Variants in LSM14A observed in about 807,000 individuals in gnomAD.
LSM14A encodes protein LSM14 homolog A.
Under a neutral mutation model 52.4 loss-of-function variants are expected in LSM14A, and 14 were observed. The ratio of observed to expected loss-of-function variants is 0.27; its 90% CI spans 0.18 to 0.42. The LOEUF (loss-of-function observed/expected upper bound fraction) is 0.42. Among genes scored for constraint, LSM14A ranks in the 10% least tolerant of loss-of-function variants. LSM14A has a pLI of 1.00. For missense variants in LSM14A, 417 were observed against 581.8 expected (o/e 0.72, Z 2.91); for synonymous variants, 185 against 200.3 (o/e 0.92, Z 0.64).
At chr19:34,215,853 A>C (rs1204382369) in intron 6 of LSM14A, among the ~76,000 whole-genome samples, 192 bp downstream of exon 6, 2 of 152,202 alleles carry the variant, frequency 1.3e-5, no homozygotes, top group African/African-American at 4.8e-5. Flanking sequence ...GCAAATCTAT[A>C]TATGGTAGAA....
intron 1 of LSM14A, among the ~76,000 whole-genome samples, chr19:34,173,750 T>C (rs2068881484): frequency 6.6e-6 from 1 of 152,164 alleles, no homozygotes; most frequent in Non-Finnish European, 1.5e-5. Context: ...TAGGTGATTT[T>C]CCCAGCACTT....
At chr19:34,214,791 C>G (rs1568495478) in intron 4 of LSM14A, among the ~76,000 whole-genome samples, 1 of 148,620 alleles carries the variant, frequency 6.7e-6, no homozygotes, top group Non-Finnish European at 1.5e-5. Flanking sequence ...TAGGATAATT[C>G]TAGGGAATCT....
rs762090894 is a variant in LSM14A at position 34,226,361 on chromosome 19, C to T, written c.1369-1004C>T. ...ATTTTCTCCTTTCTCCCTCTCCTGTCCCCATCTCTTTCTCTTTTTTTTTTT... is the reference window on the plus strand; with the variant it reads ...ATTTTCTCCTTTCTCCCTCTCCTGTTCCCATCTCTTTCTCTTTTTTTTTTT... On this transcript the variant is annotated intron_variant, in intron 9 of 9. Transcript: ENST00000544216. 3.6e-6 allele frequency: 5 copies of T among 1,406,966 alleles called. No homozygotes were observed. The South Asian group carries it at 6.7e-5, about 19-fold the overall frequency. The allele number at this position is 1,406,966 out of a possible 1,614,324, so 87.2% of individuals were successfully genotyped here.
At chr19:34,175,978 G>A (rs1004142473) in intron 1 of LSM14A, among the ~76,000 whole-genome samples, 14 of 151,852 alleles carry the variant, frequency 9.2e-5, no homozygotes, top group Non-Finnish European at 2.1e-4. Flanking sequence ...ACAGCCTTCC[G>A]AGTAGCTGGG....
intron 1 of LSM14A, among the ~76,000 whole-genome samples, chr19:34,192,316 G>GGTTTTTTTTTTTTTTTTTTTTTT (rs1341848304): frequency 1.1e-4 from 7 of 65,818 alleles, no homozygotes; most frequent in Non-Finnish European, 2.0e-4. Context: ...CATTCTTTTT[G>GGTTTTTTTTTTTTTTTTTTTTTT]TTGTTTTTTT....
rs2073072760 is a variant in LSM14A, at chr19:34,221,654, T to C, written c.1284T>C (p.Gly428=). ...GCAGAGGGCGTGGTGGTGGCAGAGG[T>C]GGTACCTTCACTGCCCCTCGAGGAT... The part of the protein sequence containing the change: ...RGGRGRGGGR[G]GTFTAPRGFR... The change falls in exon 9 of 10, where the codon GGT becomes GGC. Residue 428 remains glycine, a synonymous_variant. Transcript: ENST00000544216. 1 of 1,613,884 alleles carries C rather than the reference T, an allele frequency of 6.2e-7. No homozygotes were observed. The highest frequency in any genetic ancestry group is 1.7e-5 in the Admixed American group (1 of 59,974).
chr19:34,187,411 TGGGATTAC>T (rs1464807326), intron 1 of LSM14A, among the ~76,000 whole-genome samples: 1 of 152,046 alleles, frequency 6.6e-6, no homozygotes, highest in African/African-American at 2.4e-5. Flanking sequence ...CCCAAGTAGC[TGGGATTAC>T]AGGCGTGTGC....
At chr19:34,177,904 T>C (rs2069192298) in intron 1 of LSM14A, among the ~76,000 whole-genome samples, 1 of 152,072 alleles carries the variant, frequency 6.6e-6, no homozygotes, top group South Asian at 2.1e-4. Context: ...TGATAGCCTG[T>C]AATCCCAGCA....
chr19:34,172,629 G>A lies in LSM14A; in HGVS notation c.-14G>A, dbSNP rs771077293. 2.3e-5 allele frequency: 35 copies of A among 1,550,090 alleles called. No individual in the cohort carries two copies. The highest frequency in any genetic ancestry group is 3.0e-5 in the Non-Finnish European group (35 of 1,150,320). On this transcript the variant is annotated 5_prime_UTR_variant, in exon 1 of 10. Coordinates refer to ENST00000544216, the MANE Select transcript of LSM14A (RefSeq NM_015578.4). ...GCCTCTCTGCGAGCAGCTGGGAGCGGCGGCGGCGGCGCCATGAGCGGGGGC... is the reference window on the plus strand; with the variant it reads ...GCCTCTCTGCGAGCAGCTGGGAGCGACGGCGGCGGCGCCATGAGCGGGGGC...
At chr19:34,221,163 A>G in intron 8 of LSM14A, among the ~76,000 whole-genome samples, 1 of 149,962 alleles carries the variant, frequency 6.7e-6, no homozygotes, top group Non-Finnish European at 1.5e-5. Flanking sequence ...ACTCACTGCA[A>G]CCTCCACCTC....
chr19:34,207,629 T>G (rs1227482499), intron 3 of LSM14A, among the ~76,000 whole-genome samples: 1 of 151,808 alleles, frequency 6.6e-6, no homozygotes, highest in Non-Finnish European at 1.5e-5. Flanking sequence ...CCTCCCAGGT[T>G]CAAGCAATTT....
intron 2 of LSM14A, among the ~76,000 whole-genome samples, chr19:34,195,632 C>G (rs938652952): frequency 1.3e-5 from 2 of 152,182 alleles, no homozygotes; most frequent in African/African-American, 4.8e-5. Flanking sequence ...TACCCCTACC[C>G]TTGTTAAGTC....
At chr19:34,208,778 T>A in intron 3 of LSM14A, 151 bp from the exon 4 acceptor site, 1 of 609,070 alleles carries the variant, frequency 1.6e-6, no homozygotes. Context: ...AACTATTCAG[T>A]ACACTTTAAT....
rs1157558446 is a variant in LSM14A, at chr19:34,172,624, G to C, written c.-19G>C. The C allele has an allele frequency of 7.7e-6, 12 of 1,551,474 alleles. No individual in the cohort carries two copies. Among genetic ancestry groups the C allele is most frequent in the Non-Finnish European group, 1.0e-5 (12 of 1,151,234 alleles). ...GATCTGCCTCTCTGCGAGCAGCTGG[G>C]AGCGGCGGCGGCGGCGCCATGAGCG... is the stretch of plus-strand genomic sequence containing the variant. On this transcript the variant is annotated 5_prime_UTR_variant, in exon 1 of 10. Coordinates refer to ENST00000544216, the MANE Select transcript of LSM14A (RefSeq NM_015578.4).
At chr19:34,207,470 A>G (rs973510366) in intron 3 of LSM14A, among the ~76,000 whole-genome samples, 1 of 151,470 alleles carries the variant, frequency 6.6e-6, no homozygotes, top group Admixed American at 6.6e-5. Context: ...ACTGGACTGC[A>G]CCTCCAAGGG....
chr19:34,194,599 A>G lies in LSM14A; in HGVS notation c.243A>G (p.Pro81=), dbSNP rs1356757444. The G allele has an allele frequency of 3.1e-6, 5 of 1,614,074 alleles. No homozygotes were observed. The highest frequency in any genetic ancestry group is 1.1e-5 in the South Asian group (1 of 91,094). ...AAGACCTTACTGTTTGTGAGCCACC[A>G]AAACCACAGTGTTCTTTGCCTCAAG... ...DIKDLTVCEP[P]KPQCSLPQDP... The change falls in exon 2 of 10, where the codon CCA becomes CCG. Residue 81 remains proline (P), a synonymous_variant. Transcript: ENST00000544216.
intron 1 of LSM14A, among the ~76,000 whole-genome samples, chr19:34,191,746 CCT>C (rs1296518361): frequency 1.3e-5 from 2 of 152,114 alleles, no homozygotes; most frequent in Non-Finnish European, 2.9e-5. Flanking sequence ...TGACTTTTTC[CCT>C]CTCTGCTTCA....
chr19:34,212,429 G>C (rs1292898871), intron 4 of LSM14A, among the ~76,000 whole-genome samples: 1 of 152,134 alleles, frequency 6.6e-6, no homozygotes, highest in Non-Finnish European at 1.5e-5. Flanking sequence ...AGTCACTCTA[G>C]ATTCTTTCCC....
intron 5 of LSM14A, 102 bp downstream of exon 5, chr19:34,215,402 A>G: frequency 8.3e-7 from 1 of 1,208,596 alleles, no homozygotes; most frequent in Non-Finnish European, 1.2e-6. Flanking sequence ...GATCCCAGAA[A>G]ATTAAACTGA....
Sources: gnomAD v4.1 joint callset for allele counts (sites outside exome capture counted in the v4.1 genomes callset) on GRCh38, gnomAD v4.1.1 for gene constraint, MANE v1.5 for transcripts, NCBI Gene and HGNC (gene_info 2026-07-23, HGNC 2026-07-21) for gene names.